ZNF407: variants seen among roughly 807,000 people sequenced by gnomAD.
ZNF407 encodes the protein zinc finger protein 407.
ZNF407 carries 17 observed loss-of-function variants against 131.2 expected under a neutral mutation model. The ratio of observed to expected loss-of-function variants is 0.13; its 90% CI spans 0.09 to 0.19. The LOEUF (loss-of-function observed/expected upper bound fraction) is 0.19. Ranked by LOEUF, ZNF407 falls within the 10% of genes least tolerant of loss-of-function variation. ZNF407 has a pLI of 1.00. For missense variants in ZNF407, 2,681 were observed against 2,830.6 expected (o/e 0.95, Z 1.20); for synonymous variants, 1,156 against 1,062.0 (o/e 1.09, Z -1.72).
At chr18:74,957,966 C>T (rs1180059836) in intron 8 of ZNF407, among the ~76,000 whole-genome samples, 1 of 152,180 alleles carries the variant, frequency 6.6e-6, no homozygotes, top group Non-Finnish European at 1.5e-5. Flanking sequence ...CAGAGGGACA[C>T]ATGTTTTAAG....
chr18:74,727,941 C>T (rs1280530397), intron 3 of ZNF407, among the ~76,000 whole-genome samples: 1 of 152,076 alleles, frequency 6.6e-6, no homozygotes, highest in Non-Finnish European at 1.5e-5. Context: ...GGTGGAGATG[C>T]CAGTGATGAG....
chr18:74,812,688 C>T (rs1009428417), intron 4 of ZNF407, among the ~76,000 whole-genome samples: 2 of 152,120 alleles, frequency 1.3e-5, no homozygotes, highest in Admixed American at 1.3e-4. Context: ...CTCTGTACTA[C>T]CTCTGCCTCA....
At chr18:74,642,505 C>G (rs1171414158) in intron 3 of ZNF407, among the ~76,000 whole-genome samples, 2 of 152,068 alleles carry the variant, frequency 1.3e-5, no homozygotes, top group Non-Finnish European at 1.5e-5. Flanking sequence ...TTTTTGCATA[C>G]TGTTGTCAAT....
At chr18:74,966,754 T>A (rs1299516034) in intron 8 of ZNF407, among the ~76,000 whole-genome samples, 2 of 152,206 alleles carry the variant, frequency 1.3e-5, no homozygotes, top group Admixed American at 6.5e-5. Flanking sequence ...TTGGGTGATA[T>A]GGACATTATA....
chr18:74,808,998 C>G (rs1293504311), intron 4 of ZNF407, among the ~76,000 whole-genome samples: 3 of 152,168 alleles, frequency 2.0e-5, no homozygotes, highest in Non-Finnish European at 4.4e-5. Flanking sequence ...CTAACACAGA[C>G]CGAACCGTGG....
intron 1 of ZNF407, among the ~76,000 whole-genome samples, chr18:74,607,120 C>T (rs1210106635): frequency 6.6e-6 from 1 of 152,214 alleles, no homozygotes; most frequent in East Asian, 1.9e-4. Context: ...AAGCAGGCCT[C>T]TTGATTCATG....
chr18:74,630,860 A>C, intron 1 of ZNF407, 107 bp from the exon 2 acceptor site: 1 of 788,766 alleles, frequency 1.3e-6, no homozygotes, highest in Non-Finnish European at 1.9e-6. Context: ...TCTCAGTATA[A>C]AGGGTGTTTC....
At chr18:74,963,038 G>T (rs748758040) in intron 8 of ZNF407, among the ~76,000 whole-genome samples, 26 of 152,080 alleles carry the variant, frequency 1.7e-4, no homozygotes, top group Non-Finnish European at 3.4e-4. Context: ...CCTTCTTCCA[G>T]CAGCCACATA....
chr18:75,049,087 T>G (rs542610508), intron 8 of ZNF407, among the ~76,000 whole-genome samples: 128 of 134,588 alleles, frequency 9.5e-4, no homozygotes, highest in Middle Eastern at 3.6e-3. Flanking sequence ...GCCGGTAGTA[T>G]TTTTTTTTTT....
At chr18:74,806,359 C>T (rs1250228619) in intron 4 of ZNF407, among the ~76,000 whole-genome samples, 1 of 152,222 alleles carries the variant, frequency 6.6e-6, no homozygotes, top group Admixed American at 6.5e-5. Flanking sequence ...AGTTGATTCA[C>T]CTGTCAACCT....
intron 8 of ZNF407, among the ~76,000 whole-genome samples, chr18:75,033,130 T>G (rs1249584535): frequency 9.6e-6 from 1 of 104,150 alleles, no homozygotes; most frequent in Non-Finnish European, 1.8e-5. Context: ...GTGCTCAGAA[T>G]AGGGGGAAGA....
chr18:74,642,110 G>A (rs1984750442), intron 3 of ZNF407, among the ~76,000 whole-genome samples: 1 of 152,034 alleles, frequency 6.6e-6, no homozygotes, highest in South Asian at 2.1e-4. Flanking sequence ...TTGTTGGACA[G>A]TACATTTCAT....
At chr18:74,695,688 TA>T (rs1009956678) in intron 3 of ZNF407, among the ~76,000 whole-genome samples, 2 of 152,140 alleles carry the variant, frequency 1.3e-5, no homozygotes, top group Non-Finnish European at 2.9e-5. Flanking sequence ...CATATATGTA[TA>T]GATGTATTCA....
Position 75,059,177 on chromosome 18 carries a change from A to C in ZNF407, c.5429-3973A>C, listed in dbSNP as rs1024518676. On this transcript the variant is annotated intron_variant, in intron 8 of 8. Coordinates refer to ENST00000299687, the MANE Select transcript of ZNF407 (RefSeq NM_017757.3). ...GTGGCTTAACCCACCTCTGGATTAAAATACATTCAGTAAGTAGTTCAGAAT... is the reference window on the plus strand; with the variant it reads ...GTGGCTTAACCCACCTCTGGATTAACATACATTCAGTAAGTAGTTCAGAAT... 4.6e-5 allele frequency among the ~76,000 whole-genome samples: 7 copies of C among 152,302 alleles called. No homozygotes were observed. The East Asian group carries it at 1.4e-3, about 29-fold the overall frequency.
rs143475997 is a variant in ZNF407, at chr18:74,715,648, T to C, written c.4803-65780T>C. On this transcript the variant is annotated intron_variant, in intron 3 of 8. Coordinates refer to ENST00000299687, the MANE Select transcript of ZNF407 (RefSeq NM_017757.3). ...GAACTACATGCTCGAGGGTTACCCATACAACATTTTTTAAAAAAAATTAAT... is the reference window on the plus strand; with the variant it reads ...GAACTACATGCTCGAGGGTTACCCACACAACATTTTTTAAAAAAAATTAAT... 2.2e-3 allele frequency among the ~76,000 whole-genome samples: 328 copies of C among 152,344 alleles called. 1 individual carries two copies. The highest frequency in any genetic ancestry group is 7.3e-3 in the African/African-American group (303 of 41,576).
At chr18:75,002,519 A>T (rs967713461) in intron 8 of ZNF407, among the ~76,000 whole-genome samples, 1 of 152,154 alleles carries the variant, frequency 6.6e-6, no homozygotes, top group Admixed American at 6.6e-5. Context: ...GAAAGAGGTC[A>T]GGGCCGGGCG....
chr18:74,879,057 T>C (rs537950161), intron 5 of ZNF407, among the ~76,000 whole-genome samples: 4 of 152,072 alleles, frequency 2.6e-5, no homozygotes, highest in African/African-American at 9.6e-5. Flanking sequence ...ACATAGAAAA[T>C]TAATAATTTT....
chr18:74,792,912 T>A (rs149195742), intron 4 of ZNF407, among the ~76,000 whole-genome samples: 1 of 152,328 alleles, frequency 6.6e-6, no homozygotes, highest in East Asian at 1.9e-4. Context: ...ACAGAATCTA[T>A]GAGGCACTTC....
At chr18:74,881,269 A>G in intron 6 of ZNF407, 150 bp downstream of exon 6, 3 of 646,738 alleles carry the variant, frequency 4.6e-6, no homozygotes, top group South Asian at 4.8e-5. Context: ...GTTGAATAAC[A>G]TAAAATTTTA....
Sources: allele counts gnomAD v4.1 joint callset (sites outside exome capture counted in the v4.1 genomes callset), GRCh38; gene constraint gnomAD v4.1.1; transcripts MANE v1.5; gene names NCBI Gene and HGNC (gene_info 2026-07-23, HGNC 2026-07-21).